Variants in SLC9C1 observed in about 807,000 individuals in gnomAD.
SLC9C1 encodes sodium/hydrogen exchanger 10.
In SLC9C1, 97 loss-of-function variants were observed where a neutral mutation model predicts 140.9. The ratio of observed to expected loss-of-function variants is 0.69; its 90% CI spans 0.58 to 0.82. The LOEUF (loss-of-function observed/expected upper bound fraction) is 0.82. SLC9C1 is among the 40% of genes least tolerant of loss of function. The pLI, the probability that SLC9C1 is intolerant of heterozygous loss-of-function variation, is 0.00. For missense variants in SLC9C1, 1,340 were observed against 1,389.3 expected, an observed-to-expected ratio of 0.96 and a Z score of 0.56; for synonymous variants, 440 against 442.6, an observed-to-expected ratio of 0.99 and a Z score of 0.07.
chr3:112,167,603 A>T (rs758303210), intron 25 of SLC9C1, among the ~76,000 whole-genome samples: 11 of 152,152 alleles, frequency 7.2e-5, no homozygotes, highest in Non-Finnish European at 1.3e-4. Flanking sequence ...TGAATTACCA[A>T]TGGCCCTTTA....
intron 12 of SLC9C1, among the ~76,000 whole-genome samples, chr3:112,237,292 G>C (rs946492222): frequency 1.3e-5 from 2 of 152,112 alleles, no homozygotes; most frequent in African/African-American, 4.8e-5. Flanking sequence ...TGTAACTCCT[G>C]CCTTTTTTGT....
At chr3:112,237,492 T>G (rs2079021967) in intron 12 of SLC9C1, among the ~76,000 whole-genome samples, 1 of 152,214 alleles carries the variant, frequency 6.6e-6, no homozygotes, top group Non-Finnish European at 1.5e-5. Flanking sequence ...AATTTGATCC[T>G]GTCATTATGA....
At chr3:112,150,830 ATATATATATAT>A (rs1560003558) in intron 28 of SLC9C1, among the ~76,000 whole-genome samples, 917 of 38,858 alleles carry the variant, frequency 0.024, 7 homozygotes, top group East Asian at 0.031. Context: ...ACATATATAT[ATATATATATAT>A]TTTTTTTTTT....
chr3:112,199,532 C>A, intron 19 of SLC9C1, 63 bp from the exon 20 acceptor site: 1 of 1,338,408 alleles, frequency 7.5e-7, no homozygotes, highest in Non-Finnish European at 9.9e-7. Flanking sequence ...TTTATGTGGA[C>A]AATAAGCTAA....
intron 18 of SLC9C1, among the ~76,000 whole-genome samples, chr3:112,201,070 A>G (rs1262692260): frequency 1.3e-5 from 1 of 74,480 alleles, no homozygotes; most frequent in Admixed American, 1.5e-4. Context: ...AAACGTTATA[A>G]AACTTAATTT....
At chr3:112,166,927 T>C (rs2077150713) in intron 26 of SLC9C1, among the ~76,000 whole-genome samples, 1 of 152,186 alleles carries the variant, frequency 6.6e-6, no homozygotes. Flanking sequence ...TTTATTGTTA[T>C]TGCTATGTAA....
At chr3:112,242,567 T>C (rs2079165156) in intron 11 of SLC9C1, among the ~76,000 whole-genome samples, 1 of 152,058 alleles carries the variant, frequency 6.6e-6, no homozygotes, top group African/African-American at 2.4e-5. Flanking sequence ...ATTTGGGTGG[T>C]TAATGCATTC....
At chr3:112,186,755 A>T (rs1459949778) in intron 20 of SLC9C1, among the ~76,000 whole-genome samples, 1 of 152,254 alleles carries the variant, frequency 6.6e-6, no homozygotes, top group Non-Finnish European at 1.5e-5. Context: ...ATGATGGTTA[A>T]ATAAAACAAT....
rs141214418 is a variant in SLC9C1 at position 112,287,059 on chromosome 3, T to C, written c.-87-181A>G. Among the ~76,000 whole-genome samples, 279 of 152,362 alleles carry C rather than the reference T, an allele frequency of 1.8e-3. 1 individual carries two copies. The highest frequency in any genetic ancestry group is 6.4e-3 in the African/African-American group (267 of 41,590). On this transcript the variant is annotated intron_variant, in intron 1 of 28. Transcript: ENST00000305815. The stretch of plus-strand genomic sequence containing the variant: ...ATAAAAAAGTCAGAACCCCAAGTGA[T>C]AGAGACTACCAGTGTTACCTTATGT...
intron 6 of SLC9C1, among the ~76,000 whole-genome samples, chr3:112,274,166 C>A (rs2080151217): frequency 6.6e-6 from 1 of 152,030 alleles, no homozygotes. Flanking sequence ...TTGAAAATGA[C>A]TTTTCTAGGA....
At position 112,277,717 on chromosome 3, in the gene SLC9C1, G is replaced by C. The variant is rs146897405; in HGVS notation, c.462C>G (p.Thr154=). The change falls in exon 5 of 29, where the codon ACC becomes ACG. Residue 154 remains threonine (T), a synonymous_variant. Transcript: ENST00000305815. ...AILVSSDPML[T]AAAIRDLGLS... The stretch of plus-strand genomic sequence containing the variant: ...TACCAAGGTCTCTTATAGCAGCTGC[G>C]GTTAGCATGGGATCTGAACTCACAA... The C allele has an allele frequency of 6.3e-7, 1 of 1,595,750 alleles. No homozygotes were observed. Among genetic ancestry groups the C allele is most frequent in the Non-Finnish European group, 8.5e-7 (1 of 1,172,596 alleles).
chr3:112,232,281 G>T (rs1462029524), intron 12 of SLC9C1, among the ~76,000 whole-genome samples: 1 of 152,120 alleles, frequency 6.6e-6, no homozygotes, highest in East Asian at 1.9e-4. Flanking sequence ...CTGGGTAGTG[G>T]ACTTAAAATA....
chr3:112,201,064 G>T (rs1017113502), intron 18 of SLC9C1, among the ~76,000 whole-genome samples: 50 of 136,348 alleles, frequency 3.7e-4, no homozygotes, highest in Middle Eastern at 3.6e-3. Flanking sequence ...AATATGAAAC[G>T]TTATAAAACT....
chr3:112,268,822 T>C (rs1274066828), intron 7 of SLC9C1, among the ~76,000 whole-genome samples: 1 of 152,192 alleles, frequency 6.6e-6, no homozygotes, highest in Non-Finnish European at 1.5e-5. Flanking sequence ...AACAGAGACA[T>C]AGTACAGGTG....
chr3:112,219,373 A>G (rs1164052195), intron 14 of SLC9C1, among the ~76,000 whole-genome samples: 2 of 152,218 alleles, frequency 1.3e-5, no homozygotes, highest in African/African-American at 2.4e-5. Flanking sequence ...TTTTGCTAAT[A>G]TTAATATTCC....
chr3:112,176,677 T>C (rs1456287072), intron 23 of SLC9C1, among the ~76,000 whole-genome samples: 6 of 152,244 alleles, frequency 3.9e-5, no homozygotes, highest in Non-Finnish European at 8.8e-5. Context: ...ATTTTTGTTA[T>C]AGTAAGCAGT....
At chr3:112,240,378 A>G (rs1172980509) in intron 11 of SLC9C1, among the ~76,000 whole-genome samples, 4 of 152,226 alleles carry the variant, frequency 2.6e-5, no homozygotes, top group Non-Finnish European at 5.9e-5. Flanking sequence ...TTCATTTGTC[A>G]ACTTAACTGG....
intron 2 of SLC9C1, among the ~76,000 whole-genome samples, chr3:112,282,875 A>G (rs1210262442): frequency 2.6e-5 from 4 of 152,188 alleles, no homozygotes; most frequent in Non-Finnish European, 5.9e-5. Context: ...GAGGGGAAAA[A>G]TTATTGTGAC....
chr3:112,283,058 G>A (rs891932046), intron 2 of SLC9C1, among the ~76,000 whole-genome samples: 1 of 152,130 alleles, frequency 6.6e-6, no homozygotes, highest in Non-Finnish European at 1.5e-5. Context: ...CTGTTTTACC[G>A]AGGAGTAAAC....
Sources: allele counts gnomAD v4.1 joint callset (sites outside exome capture counted in the v4.1 genomes callset), GRCh38; gene constraint gnomAD v4.1.1; transcripts MANE v1.5; gene names NCBI Gene and HGNC (gene_info 2026-07-23, HGNC 2026-07-21).